Variants in FES observed in about 807,000 individuals in gnomAD.
FES encodes the protein tyrosine-protein kinase Fes/Fps.
In FES, 83 loss-of-function variants were observed where a neutral mutation model predicts 109.6. The ratio of observed to expected loss-of-function variants is 0.76; its 90% CI spans 0.63 to 0.91. The LOEUF is 0.91. FES is among the 40% of genes least tolerant of loss of function. The pLI is 0.00. For synonymous variants in FES, 458 were observed against 442.1 expected, an observed-to-expected ratio of 1.04 and a Z score of -0.45; for missense variants, 943 against 1,070.9, an observed-to-expected ratio of 0.88 and a Z score of 1.67.
At chr15:90,893,031 C>A in intron 14 of FES, 69 bp from the exon 15 acceptor site, 1 of 1,542,596 alleles carries the variant, frequency 6.5e-7, no homozygotes, top group South Asian at 1.2e-5. Flanking sequence ...AGCTCTTCTC[C>A]CATCATCCCT....
chr15:90,890,008 C>T, intron 8 of FES, 46 bp downstream of exon 8: 1 of 1,598,244 alleles, frequency 6.3e-7, no homozygotes. Flanking sequence ...CTCCCTCCCT[C>T]CTACCTACCC....
In FES at chr15:90,895,548, G is replaced by C. The variant is rs779454918; in HGVS notation, c.2459G>C (p.Arg820Pro). ...CAGGAGCTGCAGAGCATCCGAAAGC[G>C]GCATCGGTGAGGCTGGGACCCCCTT... ...IYQELQSIRK[R>P]HR The change falls in exon 19 of 19, where the codon CGG becomes CCG. Residue 820 changes from arginine (R) to proline (P), a missense_variant. Transcript: ENST00000328850. 3 of 1,581,430 alleles carry C rather than the reference G, an allele frequency of 1.9e-6. No individual in the cohort carries two copies. Among genetic ancestry groups the C allele is most frequent in the Non-Finnish European group, 2.6e-6 (3 of 1,162,112 alleles).
rs1353506907 is a variant in FES at position 90,893,424 on chromosome 15, C to T, written c.2045+10C>T. The T allele has an allele frequency of 4.6e-6, 7 of 1,531,654 alleles. No individual in the cohort carries two copies. Among genetic ancestry groups the T allele is most frequent in the East Asian group, 4.5e-5 (2 of 44,282 alleles). 94.9% of individuals were successfully genotyped at this position (1,531,654 alleles called of 1,614,324 possible). ...AGTGCTGCATCCACCGGTGAGTGGG[C>T]GGTGGCCACGGGCCCTGCCAACACC... On this transcript the variant is annotated intron_variant, in intron 16 of 18. Coordinates refer to ENST00000328850, the MANE Select transcript of FES (RefSeq NM_002005.4).
chr15:90,885,688 T>C, intron 3 of FES, 103 bp downstream of exon 3: 1 of 1,476,608 alleles, frequency 6.8e-7, no homozygotes, highest in South Asian at 1.4e-5. Context: ...GAAGTGTAAG[T>C]CCCTGACCGC....
At position 90,893,176 on chromosome 15, in the gene FES, G is replaced by A. The variant is rs767442703; in HGVS notation, c.1903G>A (p.Val635Ile). The A allele has an allele frequency of 4.3e-6, 7 of 1,613,828 alleles. No homozygotes were observed. Among genetic ancestry groups the A allele is most frequent in the Admixed American group, 3.3e-5 (2 of 59,988 alleles). Residue 635 changes from valine to isoleucine, a missense_variant, in exon 15 of 19, where the codon GTC becomes ATC. By Grantham distance (29) the Val-to-Ile change is conservative (BLOSUM62 3). Coordinates refer to ENST00000328850, the MANE Select transcript of FES (RefSeq NM_002005.4). ...CACCCAGAAGCAGCCCATCTACATCGTCATGGAGCTTGTGCAGGGTGAGCG... is the reference window on the plus strand; with the variant it reads ...CACCCAGAAGCAGCCCATCTACATCATCATGGAGCTTGTGCAGGGTGAGCG... ...VCTQKQPIYI[V>I]MELVQGGDFL...
chr15:90,892,796 C>T lies in FES; in HGVS notation c.1797C>T (p.Asp599=), dbSNP rs1436781103. Residue 599 remains aspartate (D), a synonymous_variant, in exon 14 of 19, where the codon GAC becomes GAT. Transcript: ENST00000328850. ...CTTGTCGAGAGACGCTCCCACCTGACCTCAAGGCCAAGTTTCTACAGGAAG... is the reference window on the plus strand; with the variant it reads ...CTTGTCGAGAGACGCTCCCACCTGATCTCAAGGCCAAGTTTCTACAGGAAG... ...VKSCRETLPP[D]LKAKFLQEAR... is the part of the protein sequence containing the mutation. 6.2e-7 allele frequency: 1 copy of T among 1,613,840 alleles called. No homozygotes were observed. Among genetic ancestry groups the T allele is most frequent in the Admixed American group, 1.7e-5 (1 of 60,024 alleles).
intron 13 of FES, 168 bp from the exon 14 acceptor site, chr15:90,892,539 C>T (rs570012199): frequency 1.6e-6 from 1 of 614,748 alleles, no homozygotes; most frequent in Non-Finnish European, 2.9e-6. Context: ...CCTGCCTGCC[C>T]CATGTGCTCT....
chr15:90,885,549 C>A lies in FES; in HGVS notation c.351C>A (p.Ser117Arg). The A allele has an allele frequency of 6.2e-7, 1 of 1,613,134 alleles. No individual in the cohort carries two copies. Residue 117 changes from serine (S) to arginine (R), a missense_variant, in exon 3 of 19, where the codon AGC becomes AGA. Physicochemically the swap from Ser to Arg is moderately radical, Grantham distance 110. Coordinates refer to ENST00000328850, the MANE Select transcript of FES (RefSeq NM_002005.4). The part of the protein sequence containing the change: ...RERQQLRKTY[S>R]EQWQQLQQEL... Reference sequence around the variant, plus strand: ...GGCAGCAGCTTCGCAAGACCTACAGCGAGCAGTGGCAGCAGCTGCAGCAGG... The same window carrying A: ...GGCAGCAGCTTCGCAAGACCTACAGAGAGCAGTGGCAGCAGCTGCAGCAGG...
At chr15:90,890,608 C>T in intron 10 of FES, 124 bp downstream of exon 10, 2 of 902,000 alleles carry the variant, frequency 2.2e-6, no homozygotes, top group Non-Finnish European at 1.7e-6. Context: ...CCTGGGATTC[C>T]AGGCTGCAGA....
At position 90,889,932 on chromosome 15, in the gene FES, A is replaced by G. The variant is rs1567097153; in HGVS notation, c.1019A>G (p.Asn340Ser). ...MVTQLQQELR[N>S]EEENTHPRER... ...ACGCAGCTGCAACAGGAGCTCCGGA[A>G]TGAAGAGGAGAACACCCACCCCCGG... The change falls in exon 8 of 19, where the codon AAT (asparagine) becomes AGT (serine). Residue 340 changes from asparagine (N) to serine (S), a missense_variant. Asn to Ser is a conservative substitution (Grantham distance 46). Transcript: ENST00000328850. This position sits in a 1 kb window ranked among gnomAD's most constrained non-coding sequence, Gnocchi z 6.1. 1.2e-6 allele frequency: 2 copies of G among 1,613,222 alleles called. No individual in the cohort carries two copies. The highest frequency in any genetic ancestry group is 1.7e-6 in the Non-Finnish European group (2 of 1,179,892).
intron 11 of FES, 144 bp from the exon 12 acceptor site, chr15:90,891,410 C>T (rs1268397696): frequency 5.9e-6 from 7 of 1,187,496 alleles, no homozygotes; most frequent in African/African-American, 4.5e-5. Context: ...ATGTCATGTG[C>T]CATCAGATGG....
chr15:90,891,493 C>G (rs768308578), intron 11 of FES, 61 bp from the exon 12 acceptor site: 2 of 1,609,170 alleles, frequency 1.2e-6, no homozygotes, highest in African/African-American at 2.7e-5. Flanking sequence ...CCCTTTCCCC[C>G]TCCCAGGGCT....
rs757387629 is a variant in FES at position 90,892,823 on chromosome 15, G to T, written c.1824G>T (p.Ala608=). The change falls in exon 14 of 19, where the codon GCG becomes GCT. Residue 608 remains alanine, a splice_region_variant and synonymous_variant. Transcript: ENST00000328850. ...PDLKAKFLQE[A]RILKQYSHPN... ...TCAAGGCCAAGTTTCTACAGGAAGC[G>T]AGGTGGGTGATAAACTAATGATCAC... is the stretch of plus-strand genomic sequence containing the variant. The T allele has an allele frequency of 2.0e-5, 32 of 1,613,158 alleles. No homozygotes were observed. Among genetic ancestry groups the T allele is most frequent in the Admixed American group, 3.3e-5 (2 of 60,018 alleles).
intron 3 of FES, 41 bp from the exon 4 acceptor site, chr15:90,886,920 G>A: frequency 1.3e-6 from 2 of 1,585,188 alleles, no homozygotes; most frequent in African/African-American, 2.7e-5. Flanking sequence ...TTCCACAACT[G>A]GGGACCTGCT....
chr15:90,888,876 C>A (rs576589435), intron 5 of FES, among the ~76,000 whole-genome samples: 3 of 152,124 alleles, frequency 2.0e-5, no homozygotes, highest in African/African-American at 7.2e-5. Flanking sequence ...CTCCCAGGCT[C>A]AAGCGATTCT....
chr15:90,885,716 A>G lies in FES; in HGVS notation c.387+131A>G, dbSNP rs2032539538. ...CTGACCGCAGGCCTGGCTTGCTCTA[A>G]CCTTGATGCAGCTTCCTCTCTTCCT... On this transcript the variant is annotated intron_variant, in intron 3 of 18. Coordinates refer to ENST00000328850, the MANE Select transcript of FES (RefSeq NM_002005.4). The G allele has an allele frequency of 7.1e-6, 10 of 1,407,402 alleles. No homozygotes were observed. In the Admixed American group the frequency reaches 2.9e-4, roughly 40 times the overall value. The allele number at this position is 1,407,402 out of a possible 1,614,324, so 87.2% of individuals were successfully genotyped here. A position where few individuals can be genotyped will look rare whatever the true frequency, so the allele number is the denominator to read the frequency against.
chr15:90,889,095 C>A lies in FES; in HGVS notation c.669-211C>A. 1 of 619,532 alleles carries A rather than the reference C, an allele frequency of 1.6e-6. No individual in the cohort carries two copies. Among genetic ancestry groups the A allele is most frequent in the Non-Finnish European group, 2.7e-6 (1 of 365,032 alleles). The allele number at this position is 619,532 out of a possible 1,614,324, so 38.4% of individuals were successfully genotyped here. On this transcript the variant is annotated intron_variant, in intron 5 of 18. Coordinates refer to ENST00000328850, the MANE Select transcript of FES (RefSeq NM_002005.4). This position sits in a 1 kb window ranked among gnomAD's most constrained non-coding sequence, Gnocchi z 6.1. The stretch of plus-strand genomic sequence containing the variant: ...AGCCACTGTGCCTGGCCCACTGGAT[C>A]CTTATTACAACTGCCAGTGTCCCTC...
chr15:90,894,135 T>A, intron 18 of FES, 77 bp downstream of exon 18: 1 of 1,515,828 alleles, frequency 6.6e-7, no homozygotes, highest in Non-Finnish European at 9.0e-7. Flanking sequence ...CTAACTCCCT[T>A]AATGCCAACC....
In FES at chr15:90,893,778, G is replaced by T; in HGVS notation, c.2170G>T (p.Val724Leu). The part of the protein sequence containing the change: ...AASGGLRQVP[V>L]KWTAPEALNY... ...CTCAGGGGGCCTCAGACAAGTCCCC[G>T]TGAAGTGGACCGCACCTGAGGCCCT... is the stretch of plus-strand genomic sequence containing the variant. The change falls in exon 17 of 19, where the codon GTG (valine) becomes TTG (leucine). Residue 724 changes from valine (V) to leucine (L), a missense_variant. By Grantham distance (32) the Val-to-Leu change is conservative (BLOSUM62 1). Transcript: ENST00000328850. 6.2e-7 allele frequency: 1 copy of T among 1,604,562 alleles called. No homozygotes were observed. Among genetic ancestry groups the T allele is most frequent in the Non-Finnish European group, 8.5e-7 (1 of 1,174,912 alleles).
Sources: gnomAD v4.1 joint callset for allele counts (sites outside exome capture counted in the v4.1 genomes callset) on GRCh38, gnomAD v4.1.1 for gene constraint, Gnocchi (gnomAD v3.1) non-coding constraint, MANE v1.5 for transcripts, NCBI Gene and HGNC (gene_info 2026-07-23, HGNC 2026-07-21) for gene names.